The following MN1 variants were observed in gnomAD, a reference collection of about 807,000 sequenced individuals.
MN1 encodes the protein transcriptional activator MN1.
A neutral mutation model predicts 86.9 loss-of-function variants in MN1; 19 were observed. The ratio of observed to expected loss-of-function variants is 0.22; its 90% CI spans 0.15 to 0.32. MN1 has a LOEUF of 0.32. Ranked by LOEUF, MN1 falls within the 10% of genes least tolerant of loss-of-function variation. The probability of loss-of-function intolerance (pLI) is 1.00; values close to 1 mark genes in which losing one functional copy is unlikely to be tolerated. For synonymous variants in MN1, 928 were observed against 849.6 expected, an observed-to-expected ratio of 1.09 and a Z score of -1.60; for missense variants, 1,841 against 1,862.0, an observed-to-expected ratio of 0.99 and a Z score of 0.21.
At position 27,798,909 on chromosome 22, in the gene MN1, C is replaced by T; in HGVS notation, c.1635G>A (p.Gln545=). The T allele has an allele frequency of 6.9e-7, 1 of 1,450,186 alleles. No individual in the cohort carries two copies. The allele number at this position is 1,450,186 out of a possible 1,614,324, so 89.8% of individuals were successfully genotyped here. ...QQQQQQQQQQ[Q]QQQQQRQNAA... is the part of the protein sequence containing the mutation. ...CGTTTTGGCGCTGCTGCTGCTGCTG[C>T]TGTTGCTGTTGCTGTTGCTGCTGCT... is the stretch of plus-strand genomic sequence containing the variant. Residue 545 remains glutamine, a synonymous_variant, in exon 1 of 2, where the codon CAG becomes CAA. Transcript: ENST00000302326.
At chr22:27,760,480 G>T (rs1217279629) in intron 1 of MN1, among the ~76,000 whole-genome samples, 1 of 152,068 alleles carries the variant, frequency 6.6e-6, no homozygotes, top group Non-Finnish European at 1.5e-5. Flanking sequence ...CTGCACTCCA[G>T]CCAGAGTGAC....
rs1372630138 is a variant in MN1 at position 27,801,718 on chromosome 22, T to A, written c.-1175A>T. On this transcript the variant is annotated 5_prime_UTR_variant, in exon 1 of 2. Transcript: ENST00000302326. ...TTCCGAGGGTCTCGGCTCCCCTCTC[T>A]GTGTCTGCCTCTCGCCCAGCGCCGG... Among the ~76,000 whole-genome samples, 4 of 152,210 alleles carry A rather than the reference T, an allele frequency of 2.6e-5. No homozygotes were observed. In the South Asian group the frequency reaches 6.2e-4, roughly 24 times the overall value.
At position 27,797,811 on chromosome 22, in the gene MN1, G is replaced by C. The variant is rs1368258682; in HGVS notation, c.2733C>G (p.Ala911=). The C allele has an allele frequency of 6.9e-6, 11 of 1,589,702 alleles. No individual in the cohort carries two copies. The highest frequency in any genetic ancestry group is 9.4e-6 in the Non-Finnish European group (11 of 1,170,026). ...SKASGPPNPP[A]QGDGTSLSPN... is the part of the protein sequence containing the mutation. ...GGGAGAGGCTGGTGCCGTCCCCCTG[G>C]GCTGGAGGGTTGGGCGGCCCCGAGG... The change falls in exon 1 of 2, where the codon GCC becomes GCG. Residue 911 remains alanine, a synonymous_variant. Transcript: ENST00000302326.
chr22:27,753,495 G>A (rs1257264053), intron 1 of MN1, among the ~76,000 whole-genome samples: 1 of 152,176 alleles, frequency 6.6e-6, no homozygotes, highest in African/African-American at 2.4e-5. Flanking sequence ...TCATATCTGG[G>A]AGGGTCGGGG....
intron 1 of MN1, 111 bp from the exon 2 acceptor site, chr22:27,751,207 CTT>C (rs1273900751): frequency 2.6e-6 from 2 of 772,688 alleles, no homozygotes; most frequent in Non-Finnish European, 1.9e-6. Flanking sequence ...TCCACGCCCT[CTT>C]TCCATGGCTA....
chr22:27,788,042 G>A (rs1331053869), intron 1 of MN1, among the ~76,000 whole-genome samples: 2 of 152,190 alleles, frequency 1.3e-5, no homozygotes, highest in African/African-American at 2.4e-5. Context: ...GACACCAGCC[G>A]CCAAGTAATT....
At chr22:27,761,260 C>G (rs1932832731) in intron 1 of MN1, among the ~76,000 whole-genome samples, 1 of 151,462 alleles carries the variant, frequency 6.6e-6, no homozygotes, top group Non-Finnish European at 1.5e-5. Flanking sequence ...CTTATTCACC[C>G]TCCCTCTGTC....
intron 1 of MN1, among the ~76,000 whole-genome samples, chr22:27,760,301 C>T (rs1375603035): frequency 6.6e-6 from 1 of 152,000 alleles, no homozygotes; most frequent in Non-Finnish European, 1.5e-5. Flanking sequence ...GCCGAGATCA[C>T]ACCATTGCAC....
intron 1 of MN1, among the ~76,000 whole-genome samples, chr22:27,783,964 C>T (rs964696687): frequency 6.6e-6 from 1 of 152,212 alleles, no homozygotes; most frequent in African/African-American, 2.4e-5. Context: ...ATGATGCCGC[C>T]GCAGGCTCCT....
intron 1 of MN1, among the ~76,000 whole-genome samples, chr22:27,791,232 C>T (rs1208863580): frequency 6.6e-6 from 1 of 152,052 alleles, no homozygotes; most frequent in Non-Finnish European, 1.5e-5. Flanking sequence ...CGAGCTGGCC[C>T]CCAGACCACT....
At chr22:27,767,716 C>T (rs781732159) in intron 1 of MN1, among the ~76,000 whole-genome samples, 74 of 152,126 alleles carry the variant, frequency 4.9e-4, no homozygotes, top group Non-Finnish European at 7.6e-4. Context: ...TACCCTCCAC[C>T]GCTCCAACAA....
In MN1 at chr22:27,799,015, G is replaced by A. The variant is rs1191503753; in HGVS notation, c.1529C>T (p.Pro510Leu). ...GTCCGGGGCCGGATGCTGCAGGGGC[G>A]GCCCCGAAGGGAAGCTGTCGGGCAC... ...PPVPDSFPSG[P>L]PLQHPAPDHQ... Residue 510 changes from proline (P) to leucine (L), a missense_variant, in exon 1 of 2, where the codon CCG becomes CTG. Coordinates refer to ENST00000302326, the MANE Select transcript of MN1 (RefSeq NM_002430.3). 2 of 1,610,812 alleles carry A rather than the reference G, an allele frequency of 1.2e-6. No homozygotes were observed. The highest frequency in any genetic ancestry group is 2.2e-5 in the East Asian group (1 of 44,794).
intron 1 of MN1, among the ~76,000 whole-genome samples, chr22:27,787,957 CA>C (rs1933158041): frequency 6.6e-6 from 1 of 152,196 alleles, no homozygotes; most frequent in Admixed American, 6.5e-5. Flanking sequence ...CTCCCCCATG[CA>C]TGTGCAGCGA....
rs1001602847 is a variant in MN1 at position 27,801,523 on chromosome 22, G to C, written c.-980C>G. 18 of 184,340 alleles carry C rather than the reference G, an allele frequency of 9.8e-5. No homozygotes were observed. The highest frequency in any genetic ancestry group is 3.8e-4 in the African/African-American group (16 of 42,590). 11.4% of individuals were successfully genotyped at this position (184,340 alleles called of 1,614,324 possible). On this transcript the variant is annotated 5_prime_UTR_variant, in exon 1 of 2. Transcript: ENST00000302326. ...CTGAGGTGCTTCGCGAGTCCCTCTCGGACCTGAGGGAGGGGGGCGTACGCG... is the reference window on the plus strand; with the variant it reads ...CTGAGGTGCTTCGCGAGTCCCTCTCCGACCTGAGGGAGGGGGGCGTACGCG...
intron 1 of MN1, among the ~76,000 whole-genome samples, chr22:27,788,911 G>A (rs1253112608): frequency 1.3e-5 from 2 of 152,082 alleles, no homozygotes; most frequent in African/African-American, 4.8e-5. Context: ...TGTCACTCCA[G>A]GGAAATTTTT....
rs1240287137 is a variant in MN1, at chr22:27,801,413, G to T, written c.-870C>A. On this transcript the variant is annotated 5_prime_UTR_variant, in exon 1 of 2. Coordinates refer to ENST00000302326, the MANE Select transcript of MN1 (RefSeq NM_002430.3). ...CGCCGTTGGGTGTCTGAGTTCGCCG[G>T]AGTCTCCGCGCACCGTTGCAGGCGC... 1 of 211,242 alleles carries T rather than the reference G, an allele frequency of 4.7e-6. No homozygotes were observed. The highest frequency in any genetic ancestry group is 2.3e-5 in the African/African-American group (1 of 43,998). 13.1% of individuals were successfully genotyped at this position (211,242 alleles called of 1,614,324 possible). A position where few individuals can be genotyped will look rare whatever the true frequency, so the allele number is the denominator to read the frequency against.
intron 1 of MN1, among the ~76,000 whole-genome samples, chr22:27,763,984 C>T (rs1277845397): frequency 2.6e-5 from 4 of 152,104 alleles, no homozygotes; most frequent in Admixed American, 6.5e-5. Context: ...CAAACCCAGG[C>T]GTGACTCCTT....
chr22:27,765,558 G>A (rs1333115187), intron 1 of MN1, among the ~76,000 whole-genome samples: 2 of 152,214 alleles, frequency 1.3e-5, no homozygotes, highest in South Asian at 2.1e-4. Context: ...GAGGACCCCC[G>A]TGTGGGCTGC....
At chr22:27,785,787 CAGA>C (rs1224919979) in intron 1 of MN1, among the ~76,000 whole-genome samples, 1 of 150,966 alleles carries the variant, frequency 6.6e-6, no homozygotes. Context: ...CACGGCCATC[CAGA>C]CAAGCCTCTG....
Sources: allele counts gnomAD v4.1 joint callset (sites outside exome capture counted in the v4.1 genomes callset), GRCh38; gene constraint gnomAD v4.1.1; transcripts MANE v1.5; gene names NCBI Gene and HGNC (gene_info 2026-07-23, HGNC 2026-07-21).